The following NAA60 variants were observed in gnomAD, a reference collection of about 807,000 sequenced individuals.
NAA60 encodes the protein N-alpha-acetyltransferase 60, NatF catalytic subunit, also known as N-alpha-acetyltransferase 60.
In NAA60, 8 loss-of-function variants were observed where a neutral mutation model predicts 26.1. That is an observed-to-expected ratio of 0.31 (90% confidence interval 0.18 to 0.55). The LOEUF is 0.55. Among genes scored for constraint, NAA60 ranks in the 20% least tolerant of loss-of-function variants. The pLI, the probability that NAA60 is intolerant of heterozygous loss-of-function variation, is 0.93. For missense variants in NAA60, 290 were observed against 311.3 expected (o/e 0.93, Z 0.51); for synonymous variants, 131 against 122.5 (o/e 1.07, Z -0.46).
intron 3 of NAA60, among the ~76,000 whole-genome samples, chr16:3,477,898 T>C (rs1392474333): frequency 6.6e-6 from 1 of 152,160 alleles, no homozygotes; most frequent in African/African-American, 2.4e-5. Context: ...ACCCCGTCTC[T>C]ACTAAAAATA....
intron 2 of NAA60, chr16:3,468,044 TG>T (rs1404077219): frequency 1.3e-5 from 2 of 152,200 alleles, no homozygotes; most frequent in African/African-American, 4.8e-5. Context: ...GAAAGTGACC[TG>T]CGATCAGTCT....
chr16:3,461,583 T>C (rs562857192), intron 2 of NAA60, among the ~76,000 whole-genome samples: 2 of 152,332 alleles, frequency 1.3e-5, no homozygotes, highest in South Asian at 4.1e-4. Context: ...GTGAAATTAT[T>C]ATCCATTTTG....
chr16:3,463,384 C>CA (rs112948934), intron 2 of NAA60, among the ~76,000 whole-genome samples: 11,876 of 138,946 alleles, frequency 0.085, 1,150 homozygotes, highest in African/African-American at 0.24. Flanking sequence ...CCCGTCTCTA[C>CA]AAAAAAAAAA....
chr16:3,469,143 CTTG>C (rs1195749213), intron 2 of NAA60, among the ~76,000 whole-genome samples: 5 of 152,120 alleles, frequency 3.3e-5, no homozygotes, highest in African/African-American at 1.2e-4. Context: ...TACTTCCCTG[CTTG>C]TTGTAGTAGA....
At position 3,486,729 on chromosome 16, in the gene NAA60, A is replaced by G. The variant is rs146006482; in HGVS notation, c.*1469A>G. 2 of 152,474 alleles carry G rather than the reference A, an allele frequency of 1.3e-5. No homozygotes were observed. Among genetic ancestry groups the G allele is most frequent in the South Asian group, 4.1e-4 (2 of 4,830 alleles). 9.4% of individuals were successfully genotyped at this position (152,474 alleles called of 1,614,324 possible). ...GCTGCCTGCCTGCCGGGCCCAGCTC[A>G]GCGCCCTCTCCACTGCGAATCAGTG... is the stretch of plus-strand genomic sequence containing the variant. On this transcript the variant is annotated 3_prime_UTR_variant, in exon 8 of 8. Coordinates refer to ENST00000407558, the MANE Select transcript of NAA60 (RefSeq NM_001083601.3).
chr16:3,476,901 T>TGTG (rs1464206392), intron 3 of NAA60, among the ~76,000 whole-genome samples: 1 of 151,990 alleles, frequency 6.6e-6, no homozygotes, highest in African/African-American at 2.4e-5. Context: ...ATTAGCCAGG[T>TGTG]GTGGTGGTGC....
chr16:3,458,493 G>C (rs2150959221), intron 2 of NAA60, among the ~76,000 whole-genome samples: 1 of 152,272 alleles, frequency 6.6e-6, no homozygotes, highest in Admixed American at 6.5e-5. Context: ...TGAGTGGTCG[G>C]GACAATTTGC....
At chr16:3,462,272 T>G (rs2035461029) in intron 2 of NAA60, among the ~76,000 whole-genome samples, 1 of 152,144 alleles carries the variant, frequency 6.6e-6, no homozygotes, top group African/African-American at 2.4e-5. Context: ...TAATTTCATT[T>G]TATAAAATAG....
chr16:3,447,805 C>G (rs1482916119), intron 1 of NAA60, among the ~76,000 whole-genome samples: 2 of 152,154 alleles, frequency 1.3e-5, no homozygotes, highest in Admixed American at 6.5e-5. Context: ...CAACTTCTAG[C>G]TGGATAGGAG....
At chr16:3,444,254 G>C (rs74848508) in intron 1 of NAA60, among the ~76,000 whole-genome samples, 8,634 of 152,114 alleles carry the variant, frequency 0.057, 326 homozygotes, top group Non-Finnish European at 0.081. Context: ...CCCTGGTGTA[G>C]GCATTTGGAA....
Position 3,482,602 on chromosome 16 carries a change from AG to A in NAA60, c.337+7del. 1 of 1,596,662 alleles carries A rather than the reference AG, an allele frequency of 6.3e-7. No homozygotes were observed. Among genetic ancestry groups the A allele is most frequent in the Non-Finnish European group, 8.5e-7 (1 of 1,171,974 alleles). On this transcript the variant is annotated splice_donor_5th_base_variant and intron_variant, in intron 5 of 7. Transcript: ENST00000407558. ...GAGTTCAGGAAGCACGGCATAGGTA[AG>A]GGCAGCCGGGCCCGCGGCTTGGCGC...
At chr16:3,447,645 A>T in intron 1 of NAA60, 1 of 985,372 alleles carries the variant, frequency 1.0e-6, no homozygotes, top group African/African-American at 1.7e-5. Context: ...CTTTCTCCCA[A>T]CTTCAGCAAG....
intron 3 of NAA60, among the ~76,000 whole-genome samples, chr16:3,477,924 G>A (rs773883620): frequency 5.9e-5 from 9 of 152,200 alleles, no homozygotes; most frequent in South Asian, 2.1e-4. Context: ...AAATTATCTG[G>A]GCATGGTGCA....
intron 2 of NAA60, among the ~76,000 whole-genome samples, chr16:3,458,704 C>T (rs12448060): frequency 0.077 from 11,646 of 152,184 alleles, 478 homozygotes; most frequent in Admixed American, 0.096. Context: ...CCAGGGGCTC[C>T]GTCTAGGTCT....
chr16:3,452,466 G>T (rs1486102597), intron 2 of NAA60, among the ~76,000 whole-genome samples: 1 of 151,902 alleles, frequency 6.6e-6, no homozygotes, highest in East Asian at 1.9e-4. Flanking sequence ...ACCAGCCTGG[G>T]CAACATGGCG....
chr16:3,483,256 G>A lies in NAA60; in HGVS notation c.338-107G>A, dbSNP rs554175594. ...TGAAGAAAGGCTGGTCTCTGATACG[G>A]TGGGCCGAGACATCTCCGAGAGACT... On this transcript the variant is annotated intron_variant, in intron 5 of 7. Transcript: ENST00000407558. 3.7e-5 allele frequency: 30 copies of A among 813,150 alleles called. 1 individual carries two copies. The African/African-American group carries it at 5.0e-4, about 14-fold the overall frequency. The allele number at this position is 813,150 out of a possible 1,614,324, so 50.4% of individuals were successfully genotyped here.
intron 2 of NAA60, among the ~76,000 whole-genome samples, chr16:3,460,488 T>C (rs1389691305): frequency 6.6e-6 from 1 of 152,134 alleles, no homozygotes; most frequent in Non-Finnish European, 1.5e-5. Context: ...TTCAGCCTCC[T>C]GAGTAGCTGG....
intron 2 of NAA60, among the ~76,000 whole-genome samples, chr16:3,461,805 T>G (rs2035412999): frequency 6.6e-6 from 1 of 152,074 alleles, no homozygotes; most frequent in Non-Finnish European, 1.5e-5. Flanking sequence ...ACAAACCATG[T>G]TAAAAAAATA....
At chr16:3,446,177 A>G (rs2034542727) in intron 1 of NAA60, among the ~76,000 whole-genome samples, 1 of 152,214 alleles carries the variant, frequency 6.6e-6, no homozygotes, top group Non-Finnish European at 1.5e-5. Context: ...TTCTCTGAAA[A>G]TTATCTTTTT....
Sources: allele counts gnomAD v4.1 joint callset (sites outside exome capture counted in the v4.1 genomes callset), GRCh38; gene constraint gnomAD v4.1.1; transcripts MANE v1.5; gene names NCBI Gene and HGNC (gene_info 2026-07-23, HGNC 2026-07-21).